ARHGEF4: variants seen among roughly 807,000 people sequenced by gnomAD.
ARHGEF4 encodes the protein Rho guanine nucleotide exchange factor 4, also known as APC-stimulated guanine nucleotide exchange factor 1.
In ARHGEF4, 119 loss-of-function variants were observed where a neutral mutation model predicts 162.0. The ratio of observed to expected loss-of-function variants is 0.73; its 90% CI spans 0.63 to 0.86. The LOEUF (loss-of-function observed/expected upper bound fraction) is 0.86, where lower values mean the gene tolerates loss of function less well. Among genes scored for constraint, ARHGEF4 ranks in the 40% least tolerant of loss-of-function variants. The pLI is 0.00. For synonymous variants in ARHGEF4, 1,014 were observed against 979.9 expected (o/e 1.03, Z -0.65); for missense variants, 2,488 against 2,456.0 (o/e 1.01, Z -0.28).
chr2:131,041,383 C>T lies in ARHGEF4; in HGVS notation c.4816C>T (p.Leu1606=). The stretch of plus-strand genomic sequence containing the variant: ...GATTGACATCTCCCTGGATGGCTTC[C>T]TGCTGACTCCGGTGCAGAAGATCTG... ...KMIDISLDGF[L]LTPVQKICKY... is the part of the protein sequence containing the mutation. The change falls in exon 9 of 14, where the codon CTG becomes TTG. Residue 1606 remains leucine, a synonymous_variant. Coordinates refer to ENST00000409359, the MANE Select transcript of ARHGEF4 (RefSeq NM_001367493.1). 19 of 1,613,508 alleles carry T rather than the reference C, an allele frequency of 1.2e-5. No homozygotes were observed. Among genetic ancestry groups the T allele is most frequent in the Non-Finnish European group, 1.6e-5 (19 of 1,180,032 alleles).
chr2:130,838,197 T>C (rs1347798442), intron 1 of ARHGEF4, among the ~76,000 whole-genome samples: 1 of 152,088 alleles, frequency 6.6e-6, no homozygotes, highest in Non-Finnish European at 1.5e-5. Context: ...ATTGAGGAGG[T>C]GTACAATCTT....
At chr2:130,981,049 T>C (rs1484699097) in intron 4 of ARHGEF4, among the ~76,000 whole-genome samples, 3 of 152,360 alleles carry the variant, frequency 2.0e-5, no homozygotes, top group African/African-American at 7.2e-5. Context: ...TGTAATATGC[T>C]ATTTCTGTTC....
intron 4 of ARHGEF4, among the ~76,000 whole-genome samples, chr2:130,992,303 C>T (rs956141929): frequency 2.0e-5 from 3 of 152,178 alleles, no homozygotes; most frequent in African/African-American, 2.4e-5. Context: ...CCCTTCCACA[C>T]TGTGGAAGCT....
intron 4 of ARHGEF4, among the ~76,000 whole-genome samples, chr2:130,963,143 T>C (rs1421677378): frequency 2.0e-5 from 3 of 152,220 alleles, no homozygotes; most frequent in Non-Finnish European, 2.9e-5. Context: ...GTGTGTGAAC[T>C]CTTGCACTGT....
At chr2:130,876,791 G>A (rs974911532) in intron 1 of ARHGEF4, among the ~76,000 whole-genome samples, 8 of 152,188 alleles carry the variant, frequency 5.3e-5, no homozygotes, top group African/African-American at 1.7e-4. Flanking sequence ...CTAACTAGAG[G>A]GGAAGGTGGG....
intron 4 of ARHGEF4, among the ~76,000 whole-genome samples, chr2:130,999,223 A>G (rs150928249): frequency 7.5e-4 from 106 of 142,100 alleles, no homozygotes; most frequent in African/African-American, 2.7e-3. Flanking sequence ...CAGTGGCGCG[A>G]TCTTGGCTCA....
At chr2:130,840,219 T>TGC (rs1282800551) in intron 1 of ARHGEF4, among the ~76,000 whole-genome samples, 3 of 142,422 alleles carry the variant, frequency 2.1e-5, no homozygotes, top group Non-Finnish European at 4.9e-5. Context: ...TACACACAGG[T>TGC]GCACACACAC....
chr2:130,923,147 C>T (rs1349614330), intron 2 of ARHGEF4, among the ~76,000 whole-genome samples: 1 of 152,098 alleles, frequency 6.6e-6, no homozygotes, highest in African/African-American at 2.4e-5. Context: ...CTAGGGTGGT[C>T]TCGAACTCAT....
chr2:131,023,932 A>G (rs1689306263), intron 4 of ARHGEF4, among the ~76,000 whole-genome samples: 1 of 152,242 alleles, frequency 6.6e-6, no homozygotes, highest in Admixed American at 6.5e-5. Flanking sequence ...ATGACATGGA[A>G]TATGACTCAA....
intron 2 of ARHGEF4, among the ~76,000 whole-genome samples, chr2:130,926,810 A>ATTTTT (rs55904944): frequency 0.095 from 4,602 of 48,658 alleles, 1,658 homozygotes; most frequent in Non-Finnish European, 0.12. Context: ...CTTCTGGCTG[A>ATTTTT]TTTTTTTTTT....
chr2:130,872,287 G>A (rs1263265228), intron 1 of ARHGEF4, among the ~76,000 whole-genome samples: 2 of 152,168 alleles, frequency 1.3e-5, no homozygotes, highest in Non-Finnish European at 2.9e-5. Flanking sequence ...AGCATCAGGC[G>A]TGACCCTATC....
chr2:131,039,351 G>T, intron 6 of ARHGEF4: 1 of 1,141,574 alleles, frequency 8.8e-7, no homozygotes, highest in Non-Finnish European at 1.1e-6. Flanking sequence ...ACTGATAGGG[G>T]ACTGCTCACC....
At chr2:130,938,677 C>T (rs1252100239) in intron 3 of ARHGEF4, among the ~76,000 whole-genome samples, 1 of 152,058 alleles carries the variant, frequency 6.6e-6, no homozygotes, top group African/African-American at 2.4e-5. Context: ...AACATTATCA[C>T]CTAGTCTGTA....
At chr2:131,043,312 C>T (rs1232611928) in intron 10 of ARHGEF4, 140 bp from the exon 11 acceptor site, 1 of 1,134,956 alleles carries the variant, frequency 8.8e-7, no homozygotes, top group East Asian at 2.5e-5. Flanking sequence ...ACCTCTTCCT[C>T]CCCCTCCCAC....
In ARHGEF4 at chr2:131,046,081, C is replaced by T; in HGVS notation, c.5523C>T (p.Ala1841=). The T allele has an allele frequency of 6.2e-7, 1 of 1,612,946 alleles. No individual in the cohort carries two copies. The highest frequency in any genetic ancestry group is 1.1e-5 in the South Asian group (1 of 91,054). ...ACCTGACGCGCCAGAAGCACCCAGCCCTGCCCAGCAACCGGCCCCAGCAGC... is the reference window on the plus strand; with the variant it reads ...ACCTGACGCGCCAGAAGCACCCAGCTCTGCCCAGCAACCGGCCCCAGCAGC... ...PCYLTRQKHP[A]LPSNRPQQQV... is the part of the protein sequence containing the mutation. Residue 1841 remains alanine (A), a synonymous_variant, in exon 14 of 14, where the codon GCC becomes GCT. Coordinates refer to ENST00000409359, the MANE Select transcript of ARHGEF4 (RefSeq NM_001367493.1).
At chr2:130,895,746 G>C (rs1010055646) in intron 1 of ARHGEF4, among the ~76,000 whole-genome samples, 2 of 152,064 alleles carry the variant, frequency 1.3e-5, no homozygotes, top group Non-Finnish European at 2.9e-5. Context: ...ATGATTCCCT[G>C]GCAGATACAT....
At chr2:130,965,235 G>GACAA (rs1684925200) in intron 4 of ARHGEF4, among the ~76,000 whole-genome samples, 2 of 152,186 alleles carry the variant, frequency 1.3e-5, no homozygotes, top group African/African-American at 4.8e-5. Flanking sequence ...AGGCCTTGTT[G>GACAA]GGCAGATATA....
chr2:130,855,887 C>T (rs2104898237), intron 1 of ARHGEF4, among the ~76,000 whole-genome samples: 1 of 152,260 alleles, frequency 6.6e-6, no homozygotes, highest in South Asian at 2.1e-4. Context: ...ATCAACAACC[C>T]ACAGGACAAG....
chr2:131,041,492 CCACGCCT>C, intron 9 of ARHGEF4, 30 bp downstream of exon 9: 1 of 1,590,828 alleles, frequency 6.3e-7, no homozygotes, highest in Non-Finnish European at 8.6e-7. Context: ...GGGAGGCAGC[CCACGCCT>C]CTGCATGCCT....
Sources: gnomAD v4.1 joint callset for allele counts (sites outside exome capture counted in the v4.1 genomes callset) on GRCh38, gnomAD v4.1.1 for gene constraint, MANE v1.5 for transcripts, NCBI Gene and HGNC (gene_info 2026-07-23, HGNC 2026-07-21) for gene names.